SLC25A48: variants seen among roughly 807,000 people sequenced by gnomAD.
The protein encoded by SLC25A48 is solute carrier family 25 member 48, also known as CTC-321K16.1.
Under a neutral mutation model 32.2 loss-of-function variants are expected in SLC25A48, and 29 were observed. That is an observed-to-expected ratio of 0.90 (90% CI 0.67 to 1.23). SLC25A48 has a LOEUF of 1.23. Ranked by LOEUF, SLC25A48 falls within the 50% of genes most tolerant of loss-of-function variation. SLC25A48 has a pLI of 0.00. For missense variants in SLC25A48, 399 were observed against 422.7 expected (o/e 0.94, Z 0.49); for synonymous variants, 164 against 172.3 (o/e 0.95, Z 0.38).
chr5:135,662,270 C>T (rs146085120), intron 3 of SLC25A48, among the ~76,000 whole-genome samples: 218 of 152,254 alleles, frequency 1.4e-3, no homozygotes, highest in African/African-American at 4.8e-3. Flanking sequence ...GGCCAGGATA[C>T]GCTGCCTGCC....
At chr5:135,824,483 C>T (rs1490049720) in intron 4 of SLC25A48, 2 of 152,320 alleles carry the variant, frequency 1.3e-5, no homozygotes, top group Non-Finnish European at 2.9e-5. Context: ...GACCCTTGTC[C>T]TCCCAACAGC....
At chr5:135,589,098 A>G (rs1051669338) in intron 1 of SLC25A48, among the ~76,000 whole-genome samples, 6 of 152,234 alleles carry the variant, frequency 3.9e-5, no homozygotes, top group African/African-American at 9.6e-5. Flanking sequence ...TGACAGTCAC[A>G]CTGCATAATC....
intron 3 of SLC25A48, among the ~76,000 whole-genome samples, chr5:135,644,449 G>A (rs928226608): frequency 1.3e-5 from 2 of 152,110 alleles, no homozygotes; most frequent in Non-Finnish European, 2.9e-5. Context: ...TGAACCCCAG[G>A]TGCACATGTC....
chr5:135,879,601 AGAGAGAGAGAGTGTGT>A (rs1377917782), intron 6 of SLC25A48, among the ~76,000 whole-genome samples: 3 of 133,942 alleles, frequency 2.2e-5, no homozygotes, highest in African/African-American at 1.0e-4. Flanking sequence ...AGAGAGAGAG[AGAGAGAGAGAGTGTGT>A]GTGTGTGTGT....
rs974650284 is a variant in SLC25A48 at position 135,736,661 on chromosome 5, A to G, written c.-520-75862A>G. On this transcript the variant is annotated intron_variant, in intron 3 of 10. Coordinates refer to the SLC25A48 transcript ENST00000646290. Reference sequence around the variant, plus strand: ...GCTGCTATGGGTGAAGGACCAAGGCAGGCATCCCCGTGTGATCAGACACCT... The same window carrying G: ...GCTGCTATGGGTGAAGGACCAAGGCGGGCATCCCCGTGTGATCAGACACCT... Among the ~76,000 whole-genome samples, 17 of 152,150 alleles carry G rather than the reference A, an allele frequency of 1.1e-4. 1 individual carries two copies. The highest frequency in any genetic ancestry group is 6.5e-4 in the Admixed American group (10 of 15,276).
chr5:135,739,176 G>A (rs1029887636), intron 3 of SLC25A48, among the ~76,000 whole-genome samples: 4 of 152,126 alleles, frequency 2.6e-5, no homozygotes, highest in African/African-American at 9.7e-5. Context: ...GGAGTGCAGT[G>A]ATGTGATCAT....
At chr5:135,638,331 G>A (rs1175502380) in intron 3 of SLC25A48, among the ~76,000 whole-genome samples, 1 of 152,144 alleles carries the variant, frequency 6.6e-6, no homozygotes, top group Non-Finnish European at 1.5e-5. Flanking sequence ...CAAGTACTGT[G>A]TGAAAATATG....
At chr5:135,789,752 A>G (rs528997635) in intron 3 of SLC25A48, among the ~76,000 whole-genome samples, 4 of 151,760 alleles carry the variant, frequency 2.6e-5, no homozygotes, top group Middle Eastern at 3.4e-3. Flanking sequence ...ATAGCCTGGT[A>G]TTACTTCTCG....
chr5:135,701,822 T>C (rs1754401892), intron 3 of SLC25A48, among the ~76,000 whole-genome samples: 2 of 152,342 alleles, frequency 1.3e-5, no homozygotes, highest in Non-Finnish European at 2.9e-5. Flanking sequence ...AAAGAGAAGC[T>C]GTCTTGCCCC....
intron 3 of SLC25A48, among the ~76,000 whole-genome samples, chr5:135,748,068 C>T (rs934305176): frequency 5.9e-5 from 9 of 152,172 alleles, no homozygotes; most frequent in African/African-American, 1.9e-4. Flanking sequence ...AGAAGAAGAA[C>T]AGAGTGATGG....
chr5:135,846,705 T>C (rs1326965525), intron 2 of SLC25A48, among the ~76,000 whole-genome samples: 1 of 152,168 alleles, frequency 6.6e-6, no homozygotes, highest in African/African-American at 2.4e-5. Context: ...TGAAGGGCCA[T>C]GATCTTCAAG....
chr5:135,660,714 C>T (rs1277937883), intron 3 of SLC25A48, among the ~76,000 whole-genome samples: 1 of 151,466 alleles, frequency 6.6e-6, no homozygotes, highest in Non-Finnish European at 1.5e-5. Flanking sequence ...GTTAATAGAT[C>T]TAAGTATGAA....
chr5:135,584,543 A>G (rs992339656), intron 1 of SLC25A48, among the ~76,000 whole-genome samples: 1 of 152,238 alleles, frequency 6.6e-6, no homozygotes, highest in African/African-American at 2.4e-5. Flanking sequence ...AGCATCACTC[A>G]TGGGACTATC....
intron 3 of SLC25A48, among the ~76,000 whole-genome samples, chr5:135,646,301 G>A (rs1191508060): frequency 2.0e-5 from 3 of 152,100 alleles, no homozygotes; most frequent in African/African-American, 7.2e-5. Context: ...CCCAGCATGT[G>A]TTTCAGGAGC....
At chr5:135,711,128 G>A (rs914903299) in intron 3 of SLC25A48, among the ~76,000 whole-genome samples, 4 of 152,174 alleles carry the variant, frequency 2.6e-5, no homozygotes, top group Non-Finnish European at 4.4e-5. Flanking sequence ...TGCAAGAGTT[G>A]CCTGACCAGA....
intron 3 of SLC25A48, among the ~76,000 whole-genome samples, chr5:135,667,494 C>T (rs753084653): frequency 4.6e-5 from 7 of 152,158 alleles, no homozygotes; most frequent in African/African-American, 9.7e-5. Context: ...GCTGCGTCCA[C>T]CAATAATAAT....
intron 3 of SLC25A48, among the ~76,000 whole-genome samples, chr5:135,643,314 C>T (rs1234542075): frequency 6.6e-6 from 1 of 152,176 alleles, no homozygotes; most frequent in Non-Finnish European, 1.5e-5. Flanking sequence ...CAGTCTGGGG[C>T]TGAACACACA....
chr5:135,866,579 A>T (rs376964537), intron 4 of SLC25A48, among the ~76,000 whole-genome samples: 1 of 152,180 alleles, frequency 6.6e-6, no homozygotes, highest in South Asian at 2.1e-4. Flanking sequence ...GGATTGGCCA[A>T]ACCTGGACCT....
At chr5:135,828,738 G>A (rs1393615941) in intron 4 of SLC25A48, among the ~76,000 whole-genome samples, 1 of 152,238 alleles carries the variant, frequency 6.6e-6, no homozygotes, top group Non-Finnish European at 1.5e-5. Context: ...CCTCTAGCCT[G>A]TAGACGCCAC....
Sources: allele counts gnomAD v4.1 joint callset (sites outside exome capture counted in the v4.1 genomes callset), GRCh38; gene constraint gnomAD v4.1.1; transcripts MANE v1.5; gene names NCBI Gene and HGNC (gene_info 2026-07-23, HGNC 2026-07-21).